Variants in AUH observed in about 807,000 individuals in gnomAD.
AUH encodes the protein AU RNA binding methylglutaconyl-CoA hydratase, also known as methylglutaconyl-CoA hydratase, mitochondrial.
AUH carries 29 observed loss-of-function variants against 42.3 expected under a neutral mutation model. That is an observed-to-expected ratio of 0.69 (90% CI 0.51 to 0.93). The LOEUF (loss-of-function observed/expected upper bound fraction) is 0.93, where lower values mean the gene tolerates loss of function less well. AUH is among the 40% of genes least tolerant of loss of function. The probability of loss-of-function intolerance (pLI) is 0.00; values close to 1 mark genes in which losing one functional copy is unlikely to be tolerated. For missense variants in AUH, 452 were observed against 438.1 expected (o/e 1.03, Z -0.28); for synonymous variants, 174 against 166.4 (o/e 1.05, Z -0.35).
At chr9:91,259,632 T>C (rs1171941386) in intron 6 of AUH, among the ~76,000 whole-genome samples, 1 of 152,164 alleles carries the variant, frequency 6.6e-6, no homozygotes, top group Non-Finnish European at 1.5e-5. Flanking sequence ...ATGTTTTCAT[T>C]TTCACTAAAT....
intron 6 of AUH, among the ~76,000 whole-genome samples, chr9:91,291,917 C>T (rs1033809034): frequency 2.4e-5 from 2 of 83,032 alleles, no homozygotes; most frequent in African/African-American, 5.4e-5. Context: ...AGTGAGACTC[C>T]GTGTCAAAAA....
At chr9:91,350,778 A>C (rs552847243) in intron 3 of AUH, among the ~76,000 whole-genome samples, 1 of 151,958 alleles carries the variant, frequency 6.6e-6, no homozygotes, top group African/African-American at 2.4e-5. Flanking sequence ...AAACAAAAAG[A>C]AAGTTGTAAC....
intron 6 of AUH, among the ~76,000 whole-genome samples, chr9:91,283,074 G>A (rs1280746045): frequency 6.6e-6 from 1 of 152,110 alleles, no homozygotes; most frequent in African/African-American, 2.4e-5. Flanking sequence ...TAAAATACTG[G>A]CAAAACGAAT....
At chr9:91,257,648 CTGTTA>C (rs1421757903) in intron 6 of AUH, among the ~76,000 whole-genome samples, 1 of 152,164 alleles carries the variant, frequency 6.6e-6, no homozygotes, top group African/African-American at 2.4e-5. Flanking sequence ...TTCCATGGCT[CTGTTA>C]TGTCTGTTCT....
At chr9:91,267,798 C>G (rs1325499599) in intron 6 of AUH, among the ~76,000 whole-genome samples, 1 of 152,040 alleles carries the variant, frequency 6.6e-6, no homozygotes, top group Non-Finnish European at 1.5e-5. Context: ...AGCTCATTTC[C>G]CCTTTCCTAG....
intron 6 of AUH, among the ~76,000 whole-genome samples, chr9:91,263,270 G>A (rs554906186): frequency 6.6e-6 from 1 of 152,256 alleles, no homozygotes; most frequent in East Asian, 1.9e-4. Flanking sequence ...ACCAGATTCA[G>A]GGCTGAATTT....
chr9:91,256,092 G>T (rs958589933), intron 6 of AUH, among the ~76,000 whole-genome samples: 3 of 152,106 alleles, frequency 2.0e-5, no homozygotes, highest in Admixed American at 6.5e-5. Context: ...ATATATGGAA[G>T]TACTTGAAAT....
intron 4 of AUH, among the ~76,000 whole-genome samples, chr9:91,300,277 T>C (rs1172390117): frequency 1.3e-5 from 2 of 152,166 alleles, no homozygotes; most frequent in Admixed American, 6.6e-5. Context: ...CCACCAATGA[T>C]TTCCAGATCT....
intron 6 of AUH, among the ~76,000 whole-genome samples, chr9:91,283,988 A>G (rs1291317122): frequency 1.5e-4 from 23 of 151,878 alleles, no homozygotes; most frequent in Non-Finnish European, 2.9e-4. Flanking sequence ...AAAAAAAAAA[A>G]GGGCCCGCAT....
chr9:91,296,420 G>A lies in AUH; in HGVS notation c.599-343C>T, dbSNP rs376226241. Among the ~76,000 whole-genome samples the A allele has an allele frequency of 5.1e-4, 77 of 152,300 alleles. 1 individual carries two copies. The South Asian group carries it at 0.015, about 30-fold the overall frequency. On this transcript the variant is annotated intron_variant, in intron 5 of 9. Coordinates refer to ENST00000375731, the MANE Select transcript of AUH (RefSeq NM_001698.3). Reference sequence around the variant, plus strand: ...TTATTCAGGATCAGCAGACTTGTCAGTATCTGACAAGCCCAAATTCTTCAG... The same window carrying A: ...TTATTCAGGATCAGCAGACTTGTCAATATCTGACAAGCCCAAATTCTTCAG...
In AUH at chr9:91,297,970, G is replaced by C. The variant is rs1827478756; in HGVS notation, c.598+14C>G. 2 of 1,567,612 alleles carry C rather than the reference G, an allele frequency of 1.3e-6. No individual in the cohort carries two copies. Among genetic ancestry groups the C allele is most frequent in the East Asian group, 2.2e-5 (1 of 44,640 alleles). ...ACTTTTTTAAATTATGTTTTTAACA[G>C]GATTAATTCTTACCTGCTACTCGTA... On this transcript the variant is annotated intron_variant, in intron 5 of 9. Transcript: ENST00000375731.
intron 6 of AUH, among the ~76,000 whole-genome samples, chr9:91,266,106 T>C (rs1437469523): frequency 1.3e-5 from 2 of 152,168 alleles, no homozygotes; most frequent in East Asian, 3.9e-4. Flanking sequence ...CTCATGCGTG[T>C]AATCCCAGCA....
intron 6 of AUH, among the ~76,000 whole-genome samples, chr9:91,284,878 C>A (rs1423324940): frequency 1.3e-5 from 2 of 152,210 alleles, no homozygotes; most frequent in East Asian, 3.8e-4. Context: ...TAAACTAGTT[C>A]AACCACTGTG....
At chr9:91,251,906 T>C (rs1329489844) in intron 6 of AUH, among the ~76,000 whole-genome samples, 2 of 152,218 alleles carry the variant, frequency 1.3e-5, no homozygotes, top group Non-Finnish European at 1.5e-5. Flanking sequence ...CCAGATGCTG[T>C]TGACAAAATC....
chr9:91,304,479 G>A (rs1301625651), intron 4 of AUH, among the ~76,000 whole-genome samples: 1 of 152,218 alleles, frequency 6.6e-6, no homozygotes, highest in African/African-American at 2.4e-5. Context: ...GCAACAGCAT[G>A]AGGACAGCCT....
chr9:91,298,034 G>C lies in AUH; in HGVS notation c.548C>G (p.Ala183Gly). Residue 183 changes from alanine (A) to glycine (G), a missense_variant, in exon 5 of 10, where the codon GCT becomes GGT. Ala to Gly is a moderately conservative substitution (Grantham distance 60). Coordinates refer to ENST00000375731, the MANE Select transcript of AUH (RefSeq NM_001698.3). ...VPTIAAIDGLALGGGLELALA... is the reference protein window; with the variant it reads ...VPTIAAIDGLGLGGGLELALA... ...AGCCAGTTCAAGACCACCACCTAAA[G>C]CGAGTCCATCTATTGCTGCAATTGT... The C allele has an allele frequency of 6.2e-7, 1 of 1,613,998 alleles. No individual in the cohort carries two copies. The highest frequency in any genetic ancestry group is 8.5e-7 in the Non-Finnish European group (1 of 1,179,906).
intron 4 of AUH, among the ~76,000 whole-genome samples, chr9:91,319,988 G>A (rs1004377654): frequency 2.6e-5 from 4 of 152,054 alleles, no homozygotes. Context: ...CCCCTGGGTC[G>A]AATTCTTTCT....
Position 91,330,774 on chromosome 9 carries a change from C to T in AUH, c.419-5370G>A, listed in dbSNP as rs373875315. Among the ~76,000 whole-genome samples the T allele has an allele frequency of 2.6e-4, 40 of 152,254 alleles. No individual in the cohort carries two copies. The South Asian group carries it at 8.3e-3, about 32-fold the overall frequency. On this transcript the variant is annotated intron_variant, in intron 3 of 9. Coordinates refer to ENST00000375731, the MANE Select transcript of AUH (RefSeq NM_001698.3). ...CCTAGACGAATGGTACAGGCTGAAT[C>T]CTGCAAATATGTTCAATGGAAGAGA...
At chr9:91,262,683 G>C (rs966754533) in intron 6 of AUH, among the ~76,000 whole-genome samples, 1 of 148,984 alleles carries the variant, frequency 6.7e-6, no homozygotes, top group African/African-American at 2.4e-5. Flanking sequence ...ATTAGAAAAC[G>C]AAGTCCCACA....
Sources: allele counts gnomAD v4.1 joint callset (sites outside exome capture counted in the v4.1 genomes callset), GRCh38; gene constraint gnomAD v4.1.1; transcripts MANE v1.5; gene names NCBI Gene and HGNC (gene_info 2026-07-23, HGNC 2026-07-21).